The following ANKS1A variants were observed in gnomAD, a reference collection of about 807,000 sequenced individuals.
ANKS1A encodes ankyrin repeat and SAM domain-containing protein 1A.
Under a neutral mutation model 120.3 loss-of-function variants are expected in ANKS1A, and 55 were observed. The ratio of observed to expected loss-of-function variants is 0.46; its 90% CI spans 0.37 to 0.57. The LOEUF (loss-of-function observed/expected upper bound fraction) is 0.57. Among genes scored for constraint, ANKS1A ranks in the 20% least tolerant of loss-of-function variants. The pLI is 0.00. For missense variants in ANKS1A, 1,123 were observed against 1,480.3 expected, an observed-to-expected ratio of 0.76 and a Z score of 3.96; for synonymous variants, 590 against 604.7, an observed-to-expected ratio of 0.98 and a Z score of 0.36.
chr6:34,987,065 T>C (rs1772250972), intron 8 of ANKS1A, among the ~76,000 whole-genome samples: 1 of 152,200 alleles, frequency 6.6e-6, no homozygotes, highest in Non-Finnish European at 1.5e-5. Context: ...CCTCCTTCTC[T>C]CCCTCCTGTG....
intron 1 of ANKS1A, among the ~76,000 whole-genome samples, chr6:34,923,033 A>G (rs1027189713): frequency 1.3e-5 from 2 of 152,206 alleles, no homozygotes; most frequent in Non-Finnish European, 2.9e-5. Context: ...TAGGAGCCAT[A>G]GAAGGCACCA....
intron 1 of ANKS1A, among the ~76,000 whole-genome samples, chr6:34,920,409 G>T (rs1367196544): frequency 6.6e-6 from 1 of 152,014 alleles, no homozygotes; most frequent in African/African-American, 2.4e-5. Flanking sequence ...AGAGATGGGG[G>T]TCTTGCTCTG....
chr6:35,025,302 T>C (rs1409121013), intron 11 of ANKS1A, among the ~76,000 whole-genome samples: 1 of 151,576 alleles, frequency 6.6e-6, no homozygotes, highest in Non-Finnish European at 1.5e-5. Flanking sequence ...TGTGTGTGTG[T>C]GTATTTATGT....
chr6:35,080,327 A>G (rs1039802560), intron 16 of ANKS1A, among the ~76,000 whole-genome samples: 1 of 152,004 alleles, frequency 6.6e-6, no homozygotes, highest in African/African-American at 2.4e-5. Flanking sequence ...CATTTTAAAA[A>G]CCTCACCCAT....
intron 23 of ANKS1A, among the ~76,000 whole-genome samples, chr6:35,087,634 G>A (rs771419211): frequency 3.9e-5 from 6 of 152,266 alleles, no homozygotes; most frequent in Non-Finnish European, 8.8e-5. Context: ...CTACTCCGAG[G>A]TGCTGGCCTC....
At chr6:35,009,033 A>G (rs1453501816) in intron 10 of ANKS1A, among the ~76,000 whole-genome samples, 1 of 152,202 alleles carries the variant, frequency 6.6e-6, no homozygotes, top group Non-Finnish European at 1.5e-5. Context: ...GTCATAGAGC[A>G]TTGGATCTCC....
chr6:35,085,730 A>C lies in ANKS1A; in HGVS notation c.3133-36A>C. 1 of 1,544,518 alleles carries C rather than the reference A, an allele frequency of 6.5e-7. No individual in the cohort carries two copies. Among genetic ancestry groups the C allele is most frequent in the East Asian group, 2.3e-5 (1 of 43,974 alleles). Reference sequence around the variant, plus strand: ...CATATCCAGTGTGAAGCGGCTCCTGAACCAGGTGCTTAAGTGGTGATCTGC... The same window carrying C: ...CATATCCAGTGTGAAGCGGCTCCTGCACCAGGTGCTTAAGTGGTGATCTGC... On this transcript the variant is annotated intron_variant, in intron 21 of 23. Coordinates refer to ENST00000360359, the MANE Select transcript of ANKS1A (RefSeq NM_015245.3). This position sits in a 1 kb window ranked among gnomAD's most constrained non-coding sequence, Gnocchi z 4.7.
rs375859450 is a variant in ANKS1A, at chr6:35,083,601, T to C, written c.2994+98T>C. On this transcript the variant is annotated intron_variant, in intron 20 of 23. Coordinates refer to ENST00000360359, the MANE Select transcript of ANKS1A (RefSeq NM_015245.3). ...AGCAACCCGGCTGCCCTGTCTCATC[T>C]CTTATCTCCCTAGAGGGTCCCCAGT... is the stretch of plus-strand genomic sequence containing the variant. 1.2e-5 allele frequency: 14 copies of C among 1,148,700 alleles called. No individual in the cohort carries two copies. In the African/African-American group the frequency reaches 1.4e-4, roughly 11 times the overall value. 71.2% of individuals were successfully genotyped at this position (1,148,700 alleles called of 1,614,324 possible). A position where few individuals can be genotyped will look rare whatever the true frequency, so the allele number is the denominator to read the frequency against.
chr6:34,956,121 T>TG (rs1243438871), intron 1 of ANKS1A, among the ~76,000 whole-genome samples: 1 of 151,840 alleles, frequency 6.6e-6, no homozygotes, highest in Non-Finnish European at 1.5e-5. Flanking sequence ...CCTCTATCTT[T>TG]GGTTCCACTT....
At chr6:35,041,933 A>G (rs1003222610) in intron 11 of ANKS1A, among the ~76,000 whole-genome samples, 9 of 152,198 alleles carry the variant, frequency 5.9e-5, no homozygotes, top group Non-Finnish European at 1.3e-4. Context: ...ACAGAAACCT[A>G]TATGATTTAG....
chr6:34,958,679 C>A (rs887971908), intron 1 of ANKS1A, among the ~76,000 whole-genome samples: 1 of 152,184 alleles, frequency 6.6e-6, no homozygotes, highest in African/African-American at 2.4e-5. Flanking sequence ...CTTGCATTCA[C>A]CATCCTTCCA....
At chr6:35,053,844 G>A (rs1776078050) in intron 11 of ANKS1A, among the ~76,000 whole-genome samples, 1 of 152,246 alleles carries the variant, frequency 6.6e-6, no homozygotes, top group African/African-American at 2.4e-5. Context: ...AGGCTCTTCA[G>A]TATTTCTAGC....
chr6:35,001,984 G>A (rs542143240), intron 10 of ANKS1A, among the ~76,000 whole-genome samples: 1 of 152,354 alleles, frequency 6.6e-6, no homozygotes, highest in South Asian at 2.1e-4. Flanking sequence ...ACAAGAAGCA[G>A]ATAAGCTAAC....
intron 13 of ANKS1A, among the ~76,000 whole-genome samples, chr6:35,066,474 AG>A (rs1168333676): frequency 6.6e-6 from 1 of 152,094 alleles, no homozygotes; most frequent in East Asian, 1.9e-4. Flanking sequence ...GATGGCAGGC[AG>A]GAGATGAGTG....
chr6:34,910,016 T>G (rs1219992533), intron 1 of ANKS1A, among the ~76,000 whole-genome samples: 1 of 152,178 alleles, frequency 6.6e-6, no homozygotes, highest in East Asian at 1.9e-4. Flanking sequence ...GAGATGCCCA[T>G]GTAAAGGAGT....
chr6:34,996,042 C>T (rs1277151701), intron 10 of ANKS1A, among the ~76,000 whole-genome samples: 1 of 152,166 alleles, frequency 6.6e-6, no homozygotes, highest in Non-Finnish European at 1.5e-5. Context: ...TTTTGCGTTT[C>T]CATCAGAAGT....
intron 9 of ANKS1A, among the ~76,000 whole-genome samples, chr6:34,992,713 G>A (rs2127537304): frequency 6.6e-6 from 1 of 152,332 alleles, no homozygotes; most frequent in East Asian, 1.9e-4. Context: ...ATGGCTCATT[G>A]TAATGAAATA....
intron 13 of ANKS1A, among the ~76,000 whole-genome samples, chr6:35,069,390 T>C (rs557571010): frequency 6.6e-6 from 1 of 151,796 alleles, no homozygotes. Context: ...AGCCACAGTC[T>C]GCTTGGTGAC....
At chr6:34,964,819 A>G (rs913368058) in intron 1 of ANKS1A, among the ~76,000 whole-genome samples, 9 of 152,236 alleles carry the variant, frequency 5.9e-5, no homozygotes, top group African/African-American at 2.2e-4. Context: ...TTGTCTTCCC[A>G]AAGGAATTTA....
Sources: gnomAD v4.1 joint callset for allele counts (sites outside exome capture counted in the v4.1 genomes callset) on GRCh38, gnomAD v4.1.1 for gene constraint, Gnocchi (gnomAD v3.1) non-coding constraint, MANE v1.5 for transcripts, NCBI Gene and HGNC (gene_info 2026-07-23, HGNC 2026-07-21) for gene names.